The following SENP3 variants were observed in gnomAD, a reference collection of about 807,000 sequenced individuals.
SENP3 encodes the protein SUMO specific peptidase 3.
Under a neutral mutation model 66.2 loss-of-function variants are expected in SENP3, and 11 were observed. The observed-to-expected ratio is 0.17, with a 90% CI of 0.10 to 0.28. The LOEUF (loss-of-function observed/expected upper bound fraction) is 0.28. Among genes scored for constraint, SENP3 ranks in the 10% least tolerant of loss-of-function variants. The pLI is 1.00. For missense variants in SENP3, 548 were observed against 743.7 expected, an observed-to-expected ratio of 0.74 and a Z score of 3.06; for synonymous variants, 292 against 277.6, an observed-to-expected ratio of 1.05 and a Z score of -0.52.
intron 4 of SENP3, 87 bp from the exon 5 acceptor site, chr17:7,565,349 CAGTT>C (rs1490113033): frequency 2.0e-5 from 29 of 1,472,814 alleles, no homozygotes; most frequent in Non-Finnish European, 2.7e-5. Context: ...AAAAGGGAGT[CAGTT>C]AGAATTTGTA....
Position 7,570,117 on chromosome 17 carries a change from C to T in SENP3, c.1342-239C>T, listed in dbSNP as rs1257116859. On this transcript the variant is annotated intron_variant, in intron 7 of 10. Coordinates refer to ENST00000321337, the MANE Select transcript of SENP3 (RefSeq NM_015670.6). This position sits in a 1 kb window ranked among gnomAD's most constrained non-coding sequence, Gnocchi z 5.4. ...GCTTCTCCCTTTAAAGTGTGAAAAG[C>T]GCCTGCCCATCATGGGTTCTCCAGT... 1.3e-5 allele frequency among the ~76,000 whole-genome samples: 2 copies of T among 152,148 alleles called. No individual in the cohort carries two copies. Among genetic ancestry groups the T allele is most frequent in the Non-Finnish European group, 2.9e-5 (2 of 68,026 alleles).
Position 7,562,509 on chromosome 17 carries a change from T to TC in SENP3, c.-12+247dup, listed in dbSNP as rs1413113758. ...TTCTGTCCCAGCGTCTTGATTCGGT[T>TC]CTCTTTAAGTTTCCTTCAAAGTTCT... On this transcript the variant is annotated intron_variant, in intron 1 of 10. Coordinates refer to ENST00000321337, the MANE Select transcript of SENP3 (RefSeq NM_015670.6). The surrounding 1 kb of genome is among the most constrained non-coding windows in gnomAD (Gnocchi z 5.0). Among the ~76,000 whole-genome samples, 1 of 152,240 alleles carries TC rather than the reference T, an allele frequency of 6.6e-6. No individual in the cohort carries two copies. Among genetic ancestry groups the TC allele is most frequent in the African/African-American group, 2.4e-5 (1 of 41,466 alleles).
intron 6 of SENP3, 45 bp from the exon 7 acceptor site, chr17:7,566,882 T>G: frequency 2.2e-6 from 3 of 1,352,230 alleles, no homozygotes; most frequent in Non-Finnish European, 2.1e-6. Context: ...TGGGAGAGTC[T>G]GAGGTCTTTT....
In SENP3 at chr17:7,562,164, G is replaced by GACA. The variant is rs2071221305; in HGVS notation, c.-111_-110insACA. On this transcript the variant is annotated 5_prime_UTR_variant, in exon 1 of 11. Coordinates refer to ENST00000321337, the MANE Select transcript of SENP3 (RefSeq NM_015670.6). The surrounding 1 kb of genome is among the most constrained non-coding windows in gnomAD (Gnocchi z 5.0). ...GAGACGGCTGCGCCTAAAGACAGCAGGAGTGGCGGGGCCGCCGCCGTCGCC... is the reference window on the plus strand; with the variant it reads ...GAGACGGCTGCGCCTAAAGACAGCAGACAGAGTGGCGGGGCCGCCGCCGTCGCC... The GACA allele has an allele frequency of 7.5e-6, 3 of 397,778 alleles. No individual in the cohort carries two copies. The highest frequency in any genetic ancestry group is 7.1e-5 in the East Asian group (2 of 27,994). The allele number at this position is 397,778 out of a possible 1,614,324, so 24.6% of individuals were successfully genotyped here.
Position 7,564,860 on chromosome 17 carries a change from A to G in SENP3, c.951A>G (p.Val317=). Residue 317 remains valine, a synonymous_variant, in exon 3 of 11, where the codon GTA becomes GTG. Coordinates refer to ENST00000321337, the MANE Select transcript of SENP3 (RefSeq NM_015670.6). ...SPLREEHVTC[V]QSILDEFLQT... Reference sequence around the variant, plus strand: ...TGCGAGAGGAGCATGTGACCTGCGTACAGAGTAAGGAGCCCTTAAGCAACT... The same window carrying G: ...TGCGAGAGGAGCATGTGACCTGCGTGCAGAGTAAGGAGCCCTTAAGCAACT... 2 of 1,609,964 alleles carry G rather than the reference A, an allele frequency of 1.2e-6. No individual in the cohort carries two copies. The highest frequency in any genetic ancestry group is 1.7e-6 in the Non-Finnish European group (2 of 1,177,302).
At chr17:7,565,989 A>G (rs2071264348) in intron 6 of SENP3, 1 of 504,180 alleles carries the variant, frequency 2.0e-6, no homozygotes, top group Non-Finnish European at 3.6e-6. Context: ...GCCAGCCCCA[A>G]GGATTGGGAT....
At position 7,563,477 on chromosome 17, in the gene SENP3, G is replaced by A; in HGVS notation, c.401G>A (p.Arg134Gln). Residue 134 changes from arginine to glutamine, a missense_variant, in exon 2 of 11, where the codon CGG becomes CAG. By Grantham distance (43) the Arg-to-Gln change is conservative (BLOSUM62 1). Around this residue, in one of 6 missense-constraint regions of SENP3, gnomAD observed 12 missense variants for 32.5 expected, o/e 0.37. Coordinates refer to ENST00000321337, the MANE Select transcript of SENP3 (RefSeq NM_015670.6). The stretch of plus-strand genomic sequence containing the variant: ...CGCCGCCGAGCCATGAGAGCCTTCC[G>A]GATGCTGCTCTACTCAAAAAGCACC... ...QRRRRAMRAF[R>Q]MLLYSKSTSL... 2.7e-6 allele frequency: 4 copies of A among 1,473,010 alleles called. No homozygotes were observed. Among genetic ancestry groups the A allele is most frequent in the Non-Finnish European group, 3.6e-6 (4 of 1,098,292 alleles). The allele number at this position is 1,473,010 out of a possible 1,614,324, so 91.2% of individuals were successfully genotyped here. A position where few individuals can be genotyped will look rare whatever the true frequency, so the allele number is the denominator to read the frequency against.
Position 7,570,594 on chromosome 17 carries a change from G to C in SENP3, c.1480-87G>C. On this transcript the variant is annotated intron_variant, in intron 8 of 10. Transcript: ENST00000321337. The surrounding 1 kb of genome is among the most constrained non-coding windows in gnomAD (Gnocchi z 5.4). ...CTTTGGGTCTTTGAGGGGCGACCTG[G>C]GCATGGTGTCTGCCAGCACTGTACC... The C allele has an allele frequency of 6.4e-7, 1 of 1,568,174 alleles. No individual in the cohort carries two copies. Among genetic ancestry groups the C allele is most frequent in the Non-Finnish European group, 8.7e-7 (1 of 1,152,266 alleles).
At chr17:7,565,177 A>G (rs2071258139) in intron 4 of SENP3, 107 bp downstream of exon 4, 2 of 947,124 alleles carry the variant, frequency 2.1e-6, no homozygotes, top group Admixed American at 2.2e-5. Flanking sequence ...GGAGGAAGCT[A>G]GAGCTGAAGG....
At position 7,563,703 on chromosome 17, in the gene SENP3, G is replaced by T; in HGVS notation, c.627G>T (p.Val209=). The T allele has an allele frequency of 6.2e-7, 1 of 1,613,006 alleles. No individual in the cohort carries two copies. Among genetic ancestry groups the T allele is most frequent in the Non-Finnish European group, 8.5e-7 (1 of 1,179,824 alleles). The change falls in exon 2 of 11, where the codon GTG becomes GTT. Residue 209 remains valine (V), a synonymous_variant. Coordinates refer to ENST00000321337, the MANE Select transcript of SENP3 (RefSeq NM_015670.6). The part of the protein sequence containing the change: ...LLGALMAEDG[V]RGSPPVPSGP... ...GTGCTCTCATGGCTGAGGATGGGGT[G>T]AGAGGGTCTCCACCAGTGCCCTCTG...
rs2071257086 is a variant in SENP3, at chr17:7,565,030, C to T, written c.1027C>T (p.Leu343=). Residue 343 remains leucine (L), a synonymous_variant, in exon 4 of 11, where the codon CTG becomes TTG. Coordinates refer to ENST00000321337, the MANE Select transcript of SENP3 (RefSeq NM_015670.6). ...CAGCACTGATGAGGTAGTAGAGAAG[C>T]TGGAGGACATTTTCCAGCAGGAGTT... is the stretch of plus-strand genomic sequence containing the variant. ...PLSTDEVVEK[L]EDIFQQEFST... 6.2e-7 allele frequency: 1 copy of T among 1,613,734 alleles called. No individual in the cohort carries two copies. The highest frequency in any genetic ancestry group is 8.5e-7 in the Non-Finnish European group (1 of 1,179,650).
chr17:7,568,473 G>A (rs1027204972), intron 7 of SENP3, among the ~76,000 whole-genome samples: 2 of 152,118 alleles, frequency 1.3e-5, no homozygotes, highest in Admixed American at 6.5e-5. Context: ...GCGTGCGCCT[G>A]TAGTCCCCGG....
intron 7 of SENP3, among the ~76,000 whole-genome samples, chr17:7,567,373 C>G (rs2071276677): frequency 6.6e-6 from 1 of 152,046 alleles, no homozygotes; most frequent in African/African-American, 2.4e-5. Context: ...AAAAATTAGC[C>G]CTGTGTGATG....
rs769350128 is a variant in SENP3 at position 7,563,331 on chromosome 17, GGAT to G, written c.258_260del (p.Asp86del). The G allele has an allele frequency of 1.3e-6, 2 of 1,552,558 alleles. No individual in the cohort carries two copies. The highest frequency in any genetic ancestry group is 2.4e-5 in the South Asian group (2 of 84,104). Reference sequence around the variant, plus strand: ...AGGAGGAAGAAGAGGAGGAGGAGGAGGATGAAGATGAAGAGGAGGAAGTGGCAG... The same window carrying G: ...AGGAGGAAGAAGAGGAGGAGGAGGAGGAAGATGAAGAGGAGGAAGTGGCAG... On this transcript the variant is annotated inframe_deletion, in exon 2 of 11. Transcript: ENST00000321337.
At position 7,570,350 on chromosome 17, in the gene SENP3, C is replaced by G. The variant is rs371581414; in HGVS notation, c.1342-6C>G. 6.2e-7 allele frequency: 1 copy of G among 1,612,750 alleles called. No homozygotes were observed. Among genetic ancestry groups the G allele is most frequent in the Non-Finnish European group, 8.5e-7 (1 of 1,178,918 alleles). Reference sequence around the variant, plus strand: ...TTGTACCTGACCTGTGGCACTATCTCTTTAGGTGGACATCTTCAATAAGGA... The same window carrying G: ...TTGTACCTGACCTGTGGCACTATCTGTTTAGGTGGACATCTTCAATAAGGA... On this transcript the variant is annotated splice_region_variant and splice_polypyrimidine_tract_variant and intron_variant, in intron 7 of 10. Transcript: ENST00000321337. The surrounding 1 kb of genome is among the most constrained non-coding windows in gnomAD (Gnocchi z 5.4).
Position 7,570,639 on chromosome 17 carries a change from G to T in SENP3, c.1480-42G>T. The T allele has an allele frequency of 6.3e-7, 1 of 1,596,884 alleles. No individual in the cohort carries two copies. Among genetic ancestry groups the T allele is most frequent in the South Asian group, 1.1e-5 (1 of 88,974 alleles). On this transcript the variant is annotated intron_variant, in intron 8 of 10. Transcript: ENST00000321337. This position sits in a 1 kb window ranked among gnomAD's most constrained non-coding sequence, Gnocchi z 5.4. Reference sequence around the variant, plus strand: ...TGTACCCACCATACTGTGTTCAATTGAGAAACTTAGGGCATCACTTTCTTT... The same window carrying T: ...TGTACCCACCATACTGTGTTCAATTTAGAAACTTAGGGCATCACTTTCTTT...
chr17:7,564,459 A>G (rs2071251573), intron 2 of SENP3, 166 bp from the exon 3 acceptor site: 1 of 935,996 alleles, frequency 1.1e-6, no homozygotes, highest in Non-Finnish European at 1.7e-6. Flanking sequence ...TGTTTATCTC[A>G]TGCTTATGGG....
At chr17:7,565,366 C>A in intron 4 of SENP3, 74 bp from the exon 5 acceptor site, 1 of 1,541,934 alleles carries the variant, frequency 6.5e-7, no homozygotes, top group Non-Finnish European at 8.8e-7. Flanking sequence ...AATTTGTATT[C>A]CAGGGAGTAG....
intron 6 of SENP3, among the ~76,000 whole-genome samples, chr17:7,566,289 C>T (rs1597840146): frequency 6.7e-6 from 1 of 149,662 alleles, no homozygotes; most frequent in East Asian, 2.0e-4. Context: ...TGCGGTGAGT[C>T]GAGATCCACG....
Sources: allele counts gnomAD v4.1 joint callset (sites outside exome capture counted in the v4.1 genomes callset), GRCh38; gene constraint gnomAD v4.1.1; regional missense constraint gnomAD v4.1.1; non-coding constraint Gnocchi (gnomAD v3.1); transcripts MANE v1.5; gene names NCBI Gene and HGNC (gene_info 2026-07-23, HGNC 2026-07-21).